Variants in CHRM3 observed in about 807,000 individuals in gnomAD.
CHRM3 encodes the protein muscarinic acetylcholine receptor M3.
In CHRM3, 11 loss-of-function variants were observed where a neutral mutation model predicts 41.8. That is an observed-to-expected ratio of 0.26 (90% CI 0.17 to 0.44). The LOEUF (loss-of-function observed/expected upper bound fraction) is 0.44. CHRM3 is among the 20% of genes least tolerant of loss of function. The probability of loss-of-function intolerance (pLI) is 1.00; values close to 1 mark genes in which losing one functional copy is unlikely to be tolerated. For synonymous variants in CHRM3, 297 were observed against 301.4 expected, an observed-to-expected ratio of 0.99 and a Z score of 0.15; for missense variants, 571 against 745.4, an observed-to-expected ratio of 0.77 and a Z score of 2.72.
intron 1 of CHRM3, among the ~76,000 whole-genome samples, chr1:239,437,101 C>T (rs1663332769): frequency 6.6e-6 from 1 of 151,838 alleles, no homozygotes; most frequent in Non-Finnish European, 1.5e-5. Context: ...TCCCACTAAA[C>T]TAGTTCTTTT....
At chr1:239,449,869 C>T (rs1485848650) in intron 1 of CHRM3, among the ~76,000 whole-genome samples, 1 of 151,886 alleles carries the variant, frequency 6.6e-6, no homozygotes, top group African/African-American at 2.4e-5. Flanking sequence ...CAAGTCCCTG[C>T]GTGTTAGGAA....
chr1:239,549,773 CATTCAGTACCACAGGGCCAGATCATGG>C (rs1659641255), intron 3 of CHRM3, among the ~76,000 whole-genome samples: 1 of 151,758 alleles, frequency 6.6e-6, no homozygotes, highest in Admixed American at 6.6e-5. Context: ...TGACGCATTT[CATTCAGTACCACAGGGCCAGATCATGG>C]ATCAGACATG....
At chr1:239,587,359 G>A (rs575824983) in intron 3 of CHRM3, among the ~76,000 whole-genome samples, 6 of 152,286 alleles carry the variant, frequency 3.9e-5, no homozygotes, top group Non-Finnish European at 5.9e-5. Context: ...AGTCATTTAC[G>A]TCAGCTTCTT....
intron 1 of CHRM3, among the ~76,000 whole-genome samples, chr1:239,480,096 G>A (rs554730828): frequency 6.6e-6 from 1 of 152,266 alleles, no homozygotes; most frequent in South Asian, 2.1e-4. Flanking sequence ...AAGATGGTAT[G>A]TTAACCTAGA....
intron 4 of CHRM3, among the ~76,000 whole-genome samples, chr1:239,638,849 C>G (rs999876652): frequency 1.8e-4 from 27 of 152,090 alleles, no homozygotes; most frequent in Non-Finnish European, 3.7e-4. Context: ...ATGTCTATGT[C>G]CTGAATGGTA....
intron 1 of CHRM3, among the ~76,000 whole-genome samples, chr1:239,449,793 G>A (rs1228502308): frequency 6.6e-6 from 1 of 151,650 alleles, no homozygotes; most frequent in Non-Finnish European, 1.5e-5. Flanking sequence ...GTATAAAATT[G>A]TATCATAGAG....
intron 2 of CHRM3, among the ~76,000 whole-genome samples, chr1:239,508,726 G>A (rs1185413160): frequency 6.6e-6 from 1 of 152,086 alleles, no homozygotes; most frequent in Non-Finnish European, 1.5e-5. Flanking sequence ...TTGATTACGT[G>A]AGTCATGAAT....
chr1:239,881,931 G>A lies in CHRM3; in HGVS notation c.-19-25502G>A, dbSNP rs1445173619. ...TCTTTTTTGTTTTTTTTGAGATGGA[G>A]TCTCGCTCTTGTCGCCCAGGCTGGA... On this transcript the variant is annotated intron_variant, in intron 6 of 6. Transcript: ENST00000676153. Among the ~76,000 whole-genome samples, 3 of 152,218 alleles carry A rather than the reference G, an allele frequency of 2.0e-5. No individual in the cohort carries two copies. The East Asian group carries it at 5.8e-4, about 29-fold the overall frequency.
chr1:239,575,427 A>C (rs1380923899), intron 3 of CHRM3, among the ~76,000 whole-genome samples: 3 of 152,208 alleles, frequency 2.0e-5, no homozygotes, highest in Non-Finnish European at 4.4e-5. Context: ...GGGACAACCC[A>C]AATAATTCAT....
At chr1:239,476,104 T>C (rs1666452153) in intron 1 of CHRM3, among the ~76,000 whole-genome samples, 1 of 152,068 alleles carries the variant, frequency 6.6e-6, no homozygotes, top group African/African-American at 2.4e-5. Flanking sequence ...TAATAAACTA[T>C]CAGTGGAAAT....
rs183127189 is a variant in CHRM3, at chr1:239,677,924, G to A, written c.-249-262G>A. Among the ~76,000 whole-genome samples the A allele has an allele frequency of 2.3e-3, 345 of 152,268 alleles. 3 individuals are homozygous for A. Among genetic ancestry groups the A allele is most frequent in the Admixed American group, 5.0e-3 (76 of 15,286 alleles). ...CATATGACAGAAACCATAAGCTGAG[G>A]CATTTGTGTTGAACAGGAGGTTACA... On this transcript the variant is annotated intron_variant, in intron 4 of 6. Coordinates refer to ENST00000676153, the MANE Select transcript of CHRM3 (RefSeq NM_001375978.1).
chr1:239,791,048 A>AG (rs1669306436), intron 5 of CHRM3, among the ~76,000 whole-genome samples: 1 of 133,172 alleles, frequency 7.5e-6, no homozygotes, highest in African/African-American at 3.4e-5. Context: ...TCGCTCCTGG[A>AG]GAAAAAAAAA....
chr1:239,822,724 T>G (rs1215233961), intron 5 of CHRM3, among the ~76,000 whole-genome samples: 1 of 152,168 alleles, frequency 6.6e-6, no homozygotes, highest in African/African-American at 2.4e-5. Flanking sequence ...AAGAATATAA[T>G]TAATAAAAGT....
chr1:239,501,348 C>G (rs929084079), intron 2 of CHRM3, among the ~76,000 whole-genome samples: 1 of 152,164 alleles, frequency 6.6e-6, no homozygotes, highest in African/African-American at 2.4e-5. Flanking sequence ...GCACATGGAA[C>G]TTTCCTAAAG....
chr1:239,391,803 A>C (rs1659057237), intron 1 of CHRM3, among the ~76,000 whole-genome samples: 1 of 152,158 alleles, frequency 6.6e-6, no homozygotes, highest in African/African-American at 2.4e-5. Flanking sequence ...AAAACAAAAA[A>C]CAAAAACCAA....
chr1:239,560,591 C>T (rs879515564), intron 3 of CHRM3, among the ~76,000 whole-genome samples: 8 of 151,960 alleles, frequency 5.3e-5, no homozygotes, highest in Non-Finnish European at 1.0e-4. Flanking sequence ...AACATTGTAT[C>T]GTATGAATGT....
chr1:239,511,373 C>T (rs573875408), intron 2 of CHRM3, among the ~76,000 whole-genome samples: 2 of 152,248 alleles, frequency 1.3e-5, no homozygotes, highest in East Asian at 3.9e-4. Context: ...CATTATAAAG[C>T]TGAGATTTAT....
At chr1:239,496,442 A>G (rs1022378085) in intron 2 of CHRM3, among the ~76,000 whole-genome samples, 1 of 152,016 alleles carries the variant, frequency 6.6e-6, no homozygotes, top group African/African-American at 2.4e-5. Flanking sequence ...ATAATTGTAC[A>G]ATAACTGATA....
chr1:239,798,265 C>T (rs1030274260), intron 5 of CHRM3, among the ~76,000 whole-genome samples: 29 of 152,082 alleles, frequency 1.9e-4, no homozygotes, highest in African/African-American at 7.0e-4. Context: ...ACCATTGTGA[C>T]TTCCAGTGAA....
Sources: gnomAD v4.1 joint callset for allele counts (sites outside exome capture counted in the v4.1 genomes callset) on GRCh38, gnomAD v4.1.1 for gene constraint, MANE v1.5 for transcripts, NCBI Gene and HGNC (gene_info 2026-07-23, HGNC 2026-07-21) for gene names.